Variants in IL1RAPL2 observed in about 807,000 individuals in gnomAD.
The protein encoded by IL1RAPL2 is X-linked interleukin-1 receptor accessory protein-like 2.
IL1RAPL2 carries 3 observed loss-of-function variants against 44.1 expected under a neutral mutation model. That is an observed-to-expected ratio of 0.07 (90% CI 0.03 to 0.18). The LOEUF is 0.18. Ranked by LOEUF, IL1RAPL2 falls within the 10% of genes least tolerant of loss-of-function variation. The probability of loss-of-function intolerance (pLI) is 1.00; values close to 1 mark genes in which losing one functional copy is unlikely to be tolerated. For synonymous variants in IL1RAPL2, 181 were observed against 178.8 expected (o/e 1.01, Z -0.10); for missense variants, 391 against 496.4 (o/e 0.79, Z 2.02).
At chrX:105,765,707 C>T (rs1200143891) in intron 10 of IL1RAPL2, among the ~76,000 whole-genome samples, 2 of 112,500 alleles carry the variant, frequency 1.8e-5, no homozygotes, top group East Asian at 5.6e-4. Flanking sequence ...TTCTTGCTGC[C>T]AAGTAGTGAA....
intron 2 of IL1RAPL2, among the ~76,000 whole-genome samples, chrX:104,948,599 C>G (rs1160330731): frequency 9.0e-6 from 1 of 110,534 alleles, no homozygotes; most frequent in Non-Finnish European, 1.9e-5. Flanking sequence ...CCCATCAATA[C>G]CTAATTTCTT....
At chrX:104,585,363 A>G (rs1005588580) in intron 1 of IL1RAPL2, among the ~76,000 whole-genome samples, 1 of 23,953 alleles carries the variant, frequency 4.2e-5, no homozygotes, top group South Asian at 1.4e-3. Context: ...TATATATATT[A>G]TATATATTAT....
intron 2 of IL1RAPL2, among the ~76,000 whole-genome samples, chrX:105,163,023 G>T (rs2033340162): frequency 9.0e-6 from 1 of 111,430 alleles, no homozygotes; most frequent in African/African-American, 3.3e-5. Flanking sequence ...AATTGTCTTG[G>T]GGTCCCTTTA....
At chrX:105,566,913 A>G (rs1469622800) in intron 6 of IL1RAPL2, among the ~76,000 whole-genome samples, 1 of 110,573 alleles carries the variant, frequency 9.0e-6, no homozygotes, top group Non-Finnish European at 1.9e-5. Context: ...ACCTCTGAGC[A>G]TCTGTTCTGC....
intron 2 of IL1RAPL2, among the ~76,000 whole-genome samples, chrX:104,694,847 G>T (rs1210508144): frequency 8.9e-6 from 1 of 112,006 alleles, no homozygotes; most frequent in Non-Finnish European, 1.9e-5. Flanking sequence ...GTCTCTATCA[G>T]CAAGGACTGG....
At chrX:105,291,046 C>T (rs2034608962) in intron 5 of IL1RAPL2, among the ~76,000 whole-genome samples, 1 of 111,495 alleles carries the variant, frequency 9.0e-6, no homozygotes, top group South Asian at 3.8e-4. Flanking sequence ...CTCCTCTAGG[C>T]TTGATCAAAA....
chrX:104,695,003 C>G (rs1054010607), intron 2 of IL1RAPL2, among the ~76,000 whole-genome samples: 11 of 112,212 alleles, frequency 9.8e-5, no homozygotes, highest in African/African-American at 3.6e-4. Flanking sequence ...TAATGTCCAG[C>G]CTCAGCTGGG....
chrX:104,613,548 T>C (rs1421438651), intron 1 of IL1RAPL2, among the ~76,000 whole-genome samples: 1 of 111,927 alleles, frequency 8.9e-6, no homozygotes, highest in African/African-American at 3.2e-5. Flanking sequence ...CTTATTGATG[T>C]GCTGTTGGAT....
At chrX:105,520,537 CTG>C (rs896775400) in intron 6 of IL1RAPL2, among the ~76,000 whole-genome samples, 1 of 111,733 alleles carries the variant, frequency 8.9e-6, no homozygotes, top group Non-Finnish European at 1.9e-5. Flanking sequence ...ACAGTCAAGA[CTG>C]TGAATTTTTC....
intron 2 of IL1RAPL2, among the ~76,000 whole-genome samples, chrX:104,919,463 G>A (rs1393807342): frequency 9.3e-6 from 1 of 107,457 alleles, no homozygotes; most frequent in Non-Finnish European, 1.9e-5. Flanking sequence ...GACCTCAGGT[G>A]ATCTGCCTGC....
intron 6 of IL1RAPL2, among the ~76,000 whole-genome samples, chrX:105,630,089 TA>T (rs1383087584): frequency 9.0e-6 from 1 of 111,483 alleles, no homozygotes; most frequent in Non-Finnish European, 1.9e-5. Context: ...AAGCCAACAG[TA>T]AATCAAATAA....
chrX:105,202,678 T>C (rs782546119), intron 3 of IL1RAPL2, among the ~76,000 whole-genome samples: 1 of 112,192 alleles, frequency 8.9e-6, no homozygotes, highest in East Asian at 2.8e-4. Context: ...TCTTCCCATC[T>C]AGCATAGTTC....
intron 2 of IL1RAPL2, among the ~76,000 whole-genome samples, chrX:104,875,557 A>T (rs777110972): frequency 8.9e-6 from 1 of 111,834 alleles, no homozygotes; most frequent in Admixed American, 9.5e-5. Flanking sequence ...CAAGATCCAC[A>T]TCTTCCACTT....
intron 5 of IL1RAPL2, among the ~76,000 whole-genome samples, chrX:105,353,068 T>G (rs1281884982): frequency 1.8e-5 from 2 of 111,762 alleles, no homozygotes; most frequent in African/African-American, 6.5e-5. Flanking sequence ...GTTTTAGGTC[T>G]AACATTTAAG....
At chrX:104,746,918 T>G (rs112962026) in intron 2 of IL1RAPL2, among the ~76,000 whole-genome samples, 12,960 of 110,831 alleles carry the variant, frequency 0.12, 761 homozygotes, top group Non-Finnish European at 0.18. Context: ...TTCACAGAAT[T>G]TGGAAGACCT....
chrX:104,651,870 A>C (rs1602662747), intron 1 of IL1RAPL2, among the ~76,000 whole-genome samples: 1 of 111,822 alleles, frequency 8.9e-6, no homozygotes, highest in East Asian at 2.8e-4. Context: ...AGGTCTATGG[A>C]AAACAAAGAA....
intron 2 of IL1RAPL2, among the ~76,000 whole-genome samples, chrX:104,958,433 A>G (rs1327558443): frequency 9.3e-6 from 1 of 107,002 alleles, no homozygotes; most frequent in Admixed American, 1.0e-4. Flanking sequence ...AGGCCTAGGT[A>G]TAGTCATTTC....
At chrX:104,676,202 C>G (rs911730463) in intron 2 of IL1RAPL2, among the ~76,000 whole-genome samples, 23 of 111,613 alleles carry the variant, frequency 2.1e-4, no homozygotes, top group African/African-American at 5.2e-4. Context: ...TCTGGATGAT[C>G]TTTACATTTT....
chrX:105,640,777 GAT>G (rs2037563393), intron 6 of IL1RAPL2, among the ~76,000 whole-genome samples: 8 of 95,509 alleles, frequency 8.4e-5, no homozygotes, highest in East Asian at 6.5e-4. Flanking sequence ...TATAGATATA[GAT>G]ATAGATATAG....
Sources: allele counts gnomAD v4.1 joint callset (sites outside exome capture counted in the v4.1 genomes callset), GRCh38; gene constraint gnomAD v4.1.1; transcripts MANE v1.5; gene names NCBI Gene and HGNC (gene_info 2026-07-23, HGNC 2026-07-21).